The following P2RY6 variants were observed in gnomAD, a reference collection of about 807,000 sequenced individuals.
The protein encoded by P2RY6 is P2Y purinoceptor 6.
In P2RY6, 19 loss-of-function variants were observed where a neutral mutation model predicts 16.3. The observed-to-expected ratio is 1.16, with a 90% confidence interval of 0.81 to 1.71. The LOEUF is 1.71. Among genes scored for constraint, P2RY6 ranks in the 40% most tolerant of loss-of-function variants. The probability of loss-of-function intolerance (pLI) is 0.00; values close to 1 mark genes in which losing one functional copy is unlikely to be tolerated. For synonymous variants in P2RY6, 184 were observed against 201.5 expected (o/e 0.91, Z 0.74); for missense variants, 389 against 455.5 (o/e 0.85, Z 1.33).
intron 1 of P2RY6, among the ~76,000 whole-genome samples, chr11:73,278,563 T>C (rs927754766): frequency 9.2e-5 from 14 of 152,284 alleles, no homozygotes; most frequent in Middle Eastern, 3.4e-3. Context: ...CCCACTCTAC[T>C]TTCTGTCTCA....
Position 73,298,183 on chromosome 11 carries a change from T to C in P2RY6, c.*678T>C, listed in dbSNP as rs1404727964. The C allele has an allele frequency of 6.0e-6, 1 of 166,984 alleles. No homozygotes were observed. The highest frequency in any genetic ancestry group is 2.4e-5 in the African/African-American group (1 of 41,370). The allele number at this position is 166,984 out of a possible 1,614,324, so 10.3% of individuals were successfully genotyped here. On this transcript the variant is annotated 3_prime_UTR_variant, in exon 3 of 3. Coordinates refer to ENST00000540124, the MANE Select transcript of P2RY6 (RefSeq NM_001277204.2). ...GAAAGAGCTCTCTGAGGAGGGAGCATCTGAGCCAGATGTTGAGGGCTGAGT... is the reference window on the plus strand; with the variant it reads ...GAAAGAGCTCTCTGAGGAGGGAGCACCTGAGCCAGATGTTGAGGGCTGAGT...
At chr11:73,288,710 G>C (rs1253650994) in intron 1 of P2RY6, among the ~76,000 whole-genome samples, 1 of 152,162 alleles carries the variant, frequency 6.6e-6, no homozygotes, top group African/African-American at 2.4e-5. Context: ...GGGCACAGAG[G>C]GTATAGTGAC....
chr11:73,289,800 T>A (rs970733413), intron 1 of P2RY6, among the ~76,000 whole-genome samples: 1 of 152,214 alleles, frequency 6.6e-6, no homozygotes, highest in Admixed American at 6.5e-5. Flanking sequence ...CTGGCTGGGA[T>A]AGCTTGGAAA....
chr11:73,294,748 A>G (rs933490120), intron 1 of P2RY6, among the ~76,000 whole-genome samples: 2 of 152,246 alleles, frequency 1.3e-5, no homozygotes, highest in African/African-American at 4.8e-5. Flanking sequence ...ACTTTAAAAA[A>G]TCCCATAACC....
At chr11:73,290,319 GAA>G (rs759537804) in intron 1 of P2RY6, among the ~76,000 whole-genome samples, 1 of 110,778 alleles carries the variant, frequency 9.0e-6, no homozygotes, top group Non-Finnish European at 2.0e-5. Context: ...AAGAAAGAAA[GAA>G]AGAAAGAAAG....
rs532437520 is a variant in P2RY6 at position 73,296,842 on chromosome 11, C to T, written c.324C>T (p.Ala108=). The stretch of plus-strand genomic sequence containing the variant: ...GCCTGGTCCGCTTCCTCTTCTATGC[C>T]AACCTGCACGGCAGCATCCTCTTCC... ...ACRLVRFLFY[A]NLHGSILFLT... is the part of the protein sequence containing the mutation. Residue 108 remains alanine (A), a synonymous_variant, in exon 3 of 3, where the codon GCC becomes GCT. Coordinates refer to ENST00000540124, the MANE Select transcript of P2RY6 (RefSeq NM_001277204.2). 1.2e-6 allele frequency: 2 copies of T among 1,610,742 alleles called. No individual in the cohort carries two copies. The highest frequency in any genetic ancestry group is 1.1e-5 in the South Asian group (1 of 91,086).
intron 1 of P2RY6, among the ~76,000 whole-genome samples, chr11:73,275,139 G>A (rs1863486032): frequency 6.6e-6 from 1 of 152,184 alleles, no homozygotes; most frequent in Admixed American, 6.5e-5. Flanking sequence ...GGATTCCAGG[G>A]ACCCAGGGGC....
chr11:73,285,282 C>T (rs1435661364), intron 1 of P2RY6, among the ~76,000 whole-genome samples: 1 of 152,234 alleles, frequency 6.6e-6, no homozygotes, highest in Non-Finnish European at 1.5e-5. Flanking sequence ...CTATGTTGCC[C>T]AGCCTGGTCT....
chr11:73,288,595 G>A (rs1864061550), intron 1 of P2RY6, among the ~76,000 whole-genome samples: 1 of 152,232 alleles, frequency 6.6e-6, no homozygotes, highest in African/African-American at 2.4e-5. Flanking sequence ...TGCCAGGGAG[G>A]CACTGGCTTT....
intron 1 of P2RY6, chr11:73,292,720 G>A (rs1864308579): frequency 1.2e-6 from 1 of 824,174 alleles, no homozygotes; most frequent in Admixed American, 6.2e-5. Flanking sequence ...GCGTGGTGTT[G>A]GGGATGGCAG....
chr11:73,280,761 G>C (rs566360470), intron 1 of P2RY6, among the ~76,000 whole-genome samples: 1 of 152,318 alleles, frequency 6.6e-6, no homozygotes, highest in South Asian at 2.1e-4. Flanking sequence ...AAGAAGAGCA[G>C]GAACTGAAAG....
chr11:73,290,242 G>A (rs181902715), intron 1 of P2RY6, among the ~76,000 whole-genome samples: 11 of 148,614 alleles, frequency 7.4e-5, no homozygotes, highest in Admixed American at 4.8e-4. Flanking sequence ...GAAAGAAAGA[G>A]AGAGTCAGAG....
chr11:73,297,817 G>A lies in P2RY6; in HGVS notation c.*312G>A. 2.9e-6 allele frequency: 1 copy of A among 347,862 alleles called. No homozygotes were observed. The highest frequency in any genetic ancestry group is 5.5e-6 in the Non-Finnish European group (1 of 181,544). 21.5% of individuals were successfully genotyped at this position (347,862 alleles called of 1,614,324 possible). ...GACGTGTACTGTCATCAAGGGGTATGCTCCATGCTTTGAGTCACCAATGAA... is the reference window on the plus strand; with the variant it reads ...GACGTGTACTGTCATCAAGGGGTATACTCCATGCTTTGAGTCACCAATGAA... On this transcript the variant is annotated 3_prime_UTR_variant, in exon 3 of 3. Coordinates refer to ENST00000540124, the MANE Select transcript of P2RY6 (RefSeq NM_001277204.2).
At chr11:73,283,866 A>G (rs893438426) in intron 1 of P2RY6, among the ~76,000 whole-genome samples, 1 of 151,988 alleles carries the variant, frequency 6.6e-6, no homozygotes, top group African/African-American at 2.4e-5. Flanking sequence ...GGGACTGGGG[A>G]GTGGGAAGTG....
At chr11:73,289,735 G>A (rs1427453881) in intron 1 of P2RY6, among the ~76,000 whole-genome samples, 1 of 152,210 alleles carries the variant, frequency 6.6e-6, no homozygotes, top group African/African-American at 2.4e-5. Context: ...CCGATTTTGG[G>A]GGGAACAATG....
chr11:73,272,805 G>T (rs928640876), intron 1 of P2RY6, among the ~76,000 whole-genome samples: 13 of 152,174 alleles, frequency 8.5e-5, no homozygotes, highest in African/African-American at 2.7e-4. Flanking sequence ...GCTGGCAAGG[G>T]CACTTTTCCT....
chr11:73,277,777 G>A (rs1863598887), intron 1 of P2RY6, among the ~76,000 whole-genome samples: 1 of 152,240 alleles, frequency 6.6e-6, no homozygotes, highest in African/African-American at 2.4e-5. Context: ...ATACCAGACA[G>A]TCAATAAACC....
chr11:73,295,859 C>T, intron 2 of P2RY6, 44 bp downstream of exon 2: 3 of 821,526 alleles, frequency 3.7e-6, no homozygotes, highest in Non-Finnish European at 2.9e-6. Context: ...TTATCAGGGC[C>T]CTTTTCCGCC....
Position 73,296,644 on chromosome 11 carries a change from G to A in P2RY6, c.126G>A (p.Pro42=), listed in dbSNP as rs372740341. 63 of 1,614,028 alleles carry A rather than the reference G, an allele frequency of 3.9e-5. No homozygotes were observed. In the South Asian group the frequency reaches 5.4e-4, roughly 14 times the overall value. Reference sequence around the variant, plus strand: ...CGGCGGTGCTGGCGGCTGGCCTGCCGCTGAACATCTGTGTCATTACCCAGA... The same window carrying A: ...CGGCGGTGCTGGCGGCTGGCCTGCCACTGAACATCTGTGTCATTACCCAGA... The part of the protein sequence containing the change: ...VYSAVLAAGL[P]LNICVITQIC... Residue 42 remains proline, a synonymous_variant, in exon 3 of 3, where the codon CCG becomes CCA. Transcript: ENST00000540124.
Sources: allele counts gnomAD v4.1 joint callset (sites outside exome capture counted in the v4.1 genomes callset), GRCh38; gene constraint gnomAD v4.1.1; transcripts MANE v1.5; gene names NCBI Gene and HGNC (gene_info 2026-07-23, HGNC 2026-07-21).